Variants in NKAIN1 observed in about 807,000 individuals in gnomAD.
NKAIN1 encodes the protein sodium/potassium transporting ATPase interacting 1.
A neutral mutation model predicts 31.6 loss-of-function variants in NKAIN1; 13 were observed. The ratio of observed to expected loss-of-function variants is 0.41; its 90% CI spans 0.27 to 0.65. The LOEUF (loss-of-function observed/expected upper bound fraction) is 0.65, where lower values mean the gene tolerates loss of function less well. NKAIN1 is among the 30% of genes least tolerant of loss of function. The probability of loss-of-function intolerance (pLI) is 0.30; values close to 1 mark genes in which losing one functional copy is unlikely to be tolerated. For missense variants in NKAIN1, 193 were observed against 262.2 expected, an observed-to-expected ratio of 0.74 and a Z score of 1.82; for synonymous variants, 104 against 109.0, an observed-to-expected ratio of 0.95 and a Z score of 0.28.
At chr1:31,208,333 T>A in intron 1 of NKAIN1, among the ~76,000 whole-genome samples, 1 of 105,344 alleles carries the variant, frequency 9.5e-6, no homozygotes, top group South Asian at 2.9e-4. Context: ...TGAGTCCAAT[T>A]CTTTCTTCCA....
intron 4 of NKAIN1, among the ~76,000 whole-genome samples, chr1:31,183,436 CTTTTTTTTTTTTTTTTTTTT>C (rs3046278): frequency 9.4e-6 from 1 of 106,716 alleles, no homozygotes. Flanking sequence ...TTCATTCCCT[CTTTTTTTTTTTTTTTTTTTT>C]TTTTTTTTTT....
intron 1 of NKAIN1, among the ~76,000 whole-genome samples, chr1:31,223,212 A>G (rs1272009809): frequency 6.6e-6 from 1 of 151,948 alleles, no homozygotes; most frequent in Non-Finnish European, 1.5e-5. Flanking sequence ...CCCTGTCTCT[A>G]CTAAAATACA....
chr1:31,235,151 T>C (rs769793081), intron 1 of NKAIN1, among the ~76,000 whole-genome samples: 4 of 152,112 alleles, frequency 2.6e-5, no homozygotes, highest in Non-Finnish European at 1.5e-5. Flanking sequence ...GGAATGATAA[T>C]GATGATGATG....
chr1:31,215,929 C>T (rs1333524194), intron 1 of NKAIN1, among the ~76,000 whole-genome samples: 3 of 152,122 alleles, frequency 2.0e-5, no homozygotes, highest in African/African-American at 7.2e-5. Context: ...ATTCAGCTCT[C>T]ACAACTACAA....
chr1:31,207,716 T>C (rs1178677358), intron 1 of NKAIN1, among the ~76,000 whole-genome samples: 1 of 152,074 alleles, frequency 6.6e-6, no homozygotes, highest in Non-Finnish European at 1.5e-5. Flanking sequence ...ACAGACAAAC[T>C]TCAATTATCA....
intron 1 of NKAIN1, among the ~76,000 whole-genome samples, chr1:31,231,911 CT>C (rs751272398): frequency 4.4e-3 from 608 of 138,160 alleles, no homozygotes; most frequent in African/African-American, 4.1e-3. Flanking sequence ...CTGGAACTAG[CT>C]TTTTTTTTTT....
At chr1:31,185,394 A>G in intron 2 of NKAIN1, 67 bp from the exon 3 acceptor site, 1 of 1,297,526 alleles carries the variant, frequency 7.7e-7, no homozygotes. Flanking sequence ...GTCAATGGAG[A>G]CAGAGCTCAG....
chr1:31,199,635 C>T (rs529165368), intron 1 of NKAIN1, among the ~76,000 whole-genome samples: 3 of 152,262 alleles, frequency 2.0e-5, no homozygotes, highest in African/African-American at 7.2e-5. Context: ...TCCCTCTCCC[C>T]ATCTCCGGGG....
At chr1:31,198,339 C>T (rs1160408443) in intron 1 of NKAIN1, among the ~76,000 whole-genome samples, 2 of 152,138 alleles carry the variant, frequency 1.3e-5, no homozygotes, top group Non-Finnish European at 2.9e-5. Flanking sequence ...TCACGTGCAG[C>T]CCCCAGCTGC....
chr1:31,224,429 G>A (rs748740019), intron 1 of NKAIN1, among the ~76,000 whole-genome samples: 15 of 152,114 alleles, frequency 9.9e-5, no homozygotes, highest in South Asian at 4.2e-4. Flanking sequence ...GATTTACGAC[G>A]GGGCCACATC....
chr1:31,211,058 C>A (rs112511847), intron 1 of NKAIN1, among the ~76,000 whole-genome samples: 6 of 152,160 alleles, frequency 3.9e-5, no homozygotes, highest in Non-Finnish European at 8.8e-5. Flanking sequence ...TCATACTTAA[C>A]GGTAAAAGAC....
At chr1:31,186,891 T>A (rs1645248525) in intron 2 of NKAIN1, among the ~76,000 whole-genome samples, 1 of 152,214 alleles carries the variant, frequency 6.6e-6, no homozygotes, top group African/African-American at 2.4e-5. Context: ...ATCCCGAATG[T>A]GGCCACCTCT....
intron 1 of NKAIN1, among the ~76,000 whole-genome samples, chr1:31,237,378 TACC>T (rs1645700206): frequency 1.3e-5 from 2 of 152,110 alleles, no homozygotes; most frequent in Non-Finnish European, 2.9e-5. Flanking sequence ...CTTCCAAGAG[TACC>T]TGACACTTAG....
intron 1 of NKAIN1, among the ~76,000 whole-genome samples, chr1:31,188,603 A>G (rs1645262297): frequency 1.3e-5 from 2 of 152,266 alleles, no homozygotes; most frequent in South Asian, 2.1e-4. Flanking sequence ...TTCCTGGGCT[A>G]CAGAGAAGGA....
chr1:31,211,524 G>A (rs566276906), intron 1 of NKAIN1, among the ~76,000 whole-genome samples: 13 of 151,560 alleles, frequency 8.6e-5, no homozygotes, highest in South Asian at 4.2e-4. Flanking sequence ...TATGGATTGG[G>A]AGACTTGATA....
chr1:31,194,260 C>T (rs1306629328), intron 1 of NKAIN1, among the ~76,000 whole-genome samples: 3 of 152,134 alleles, frequency 2.0e-5, no homozygotes, highest in Non-Finnish European at 2.9e-5. Flanking sequence ...CTGTCTTCAC[C>T]TGCCAATGCT....
chr1:31,194,163 C>A (rs755274090), intron 1 of NKAIN1, among the ~76,000 whole-genome samples: 15 of 152,116 alleles, frequency 9.9e-5, no homozygotes, highest in Non-Finnish European at 1.8e-4. Flanking sequence ...TTCTAAAATA[C>A]AAATCTCATC....
At chr1:31,198,416 A>C (rs1237804704) in intron 1 of NKAIN1, among the ~76,000 whole-genome samples, 1 of 152,074 alleles carries the variant, frequency 6.6e-6, no homozygotes, top group Non-Finnish European at 1.5e-5. Context: ...GTCCATGTCC[A>C]GTGTTTTGGG....
In NKAIN1 at chr1:31,224,207, G is replaced by A. The variant is rs115169453; in HGVS notation, c.54+15287C>T. On this transcript the variant is annotated intron_variant, in intron 1 of 6. Transcript: ENST00000373736. ...CCCAGCAGCCCCCTTCCCTCCCTCT[G>A]AGAGCCGATGATAGGAGTGGTTCTA... 3.2e-3 allele frequency among the ~76,000 whole-genome samples: 482 copies of A among 152,298 alleles called. 4 individuals carry two copies. Among genetic ancestry groups the A allele is most frequent in the African/African-American group, 0.011 (460 of 41,564 alleles).
Sources: gnomAD v4.1 joint callset for allele counts (sites outside exome capture counted in the v4.1 genomes callset) on GRCh38, gnomAD v4.1.1 for gene constraint, MANE v1.5 for transcripts, NCBI Gene and HGNC (gene_info 2026-07-23, HGNC 2026-07-21) for gene names.